FAM167A: variants seen among roughly 807,000 people sequenced by gnomAD.
FAM167A encodes family with sequence similarity 167 member A.
FAM167A carries 23 observed loss-of-function variants against 14.9 expected under a neutral mutation model. The ratio of observed to expected loss-of-function variants is 1.55; its 90% CI spans 1.11 to 2.19. The LOEUF (loss-of-function observed/expected upper bound fraction) is 2.19, where lower values mean the gene tolerates loss of function less well. Ranked by LOEUF, FAM167A falls within the 30% of genes most tolerant of loss-of-function variation. The probability of loss-of-function intolerance (pLI) is 0.00; values close to 1 mark genes in which losing one functional copy is unlikely to be tolerated. For missense variants in FAM167A, 401 were observed against 281.5 expected, an observed-to-expected ratio of 1.42 and a Z score of -3.04; for synonymous variants, 174 against 117.7, an observed-to-expected ratio of 1.48 and a Z score of -3.10.
At chr8:11,452,816 C>G (rs1807076481) in intron 1 of FAM167A, among the ~76,000 whole-genome samples, 1 of 152,296 alleles carries the variant, frequency 6.6e-6, no homozygotes, top group African/African-American at 2.4e-5. Context: ...GGCACGTTCC[C>G]CAGTGCCAGC....
At chr8:11,444,871 G>A (rs1249014071) in intron 1 of FAM167A, 63 bp from the exon 2 acceptor site, 17 of 983,064 alleles carry the variant, frequency 1.7e-5, no homozygotes, top group East Asian at 1.1e-4. Flanking sequence ...AGGCGGGCAC[G>A]TCCACTCCAC....
intron 1 of FAM167A, among the ~76,000 whole-genome samples, chr8:11,457,717 T>C (rs1807388912): frequency 6.6e-6 from 1 of 152,196 alleles, no homozygotes; most frequent in Non-Finnish European, 1.5e-5. Flanking sequence ...TCCTTGTCTT[T>C]GGCCCTCACT....
At chr8:11,442,493 A>G (rs1298060256) in intron 2 of FAM167A, among the ~76,000 whole-genome samples, 2 of 152,200 alleles carry the variant, frequency 1.3e-5, no homozygotes, top group African/African-American at 4.8e-5. Flanking sequence ...TAACTTCCTT[A>G]AAAAGAAAAA....
At chr8:11,470,001 C>T (rs1327726500), upstream of FAM167A, among the ~76,000 whole-genome samples, 2 of 152,180 alleles carry the variant, frequency 1.3e-5, no homozygotes, top group East Asian at 3.8e-4. Context: ...CGTATTAGTA[C>T]CACTAAATAC....
At chr8:11,435,915 T>C (rs1177439682) in intron 2 of FAM167A, among the ~76,000 whole-genome samples, 1 of 152,240 alleles carries the variant, frequency 6.6e-6, no homozygotes, top group Admixed American at 6.5e-5. Flanking sequence ...CCATATCCCG[T>C]CTTCATACAC....
At chr8:11,441,532 G>A (rs926882361) in intron 2 of FAM167A, among the ~76,000 whole-genome samples, 1 of 152,192 alleles carries the variant, frequency 6.6e-6, no homozygotes, top group Admixed American at 6.5e-5. Context: ...TCTGGAGCAT[G>A]CATCTCCTTG....
intron 1 of FAM167A, among the ~76,000 whole-genome samples, chr8:11,461,485 T>C (rs1459375587): frequency 1.3e-5 from 2 of 152,206 alleles, no homozygotes; most frequent in Non-Finnish European, 2.9e-5. Flanking sequence ...AGACACAGAG[T>C]GGCCTTTAAA....
chr8:11,422,397 TG>T lies in FAM167A; in HGVS notation c.*1975del, dbSNP rs1804816792. 1.3e-5 allele frequency: 2 copies of T among 151,576 alleles called. No individual in the cohort carries two copies. Among genetic ancestry groups the T allele is most frequent in the African/African-American group, 5.0e-5 (2 of 40,348 alleles). The allele number at this position is 151,576 out of a possible 1,614,324, so 9.4% of individuals were successfully genotyped here. A position where few individuals can be genotyped will look rare whatever the true frequency, so the allele number is the denominator to read the frequency against. On this transcript the variant is annotated 3_prime_UTR_variant, in exon 3 of 3. Coordinates refer to ENST00000284486, the MANE Select transcript of FAM167A (RefSeq NM_053279.3). ...GGGTGTGTGTGTGTGTGTGTGTGTG[TG>T]TGTGTGTAGGTCAGCCCGAGACCTC...
intron 1 of FAM167A, among the ~76,000 whole-genome samples, chr8:11,453,799 G>A (rs887938378): frequency 1.3e-5 from 2 of 152,038 alleles, no homozygotes; most frequent in African/African-American, 4.8e-5. Flanking sequence ...CCTTCACTGA[G>A]TTTATGGAGC....
chr8:11,449,502 C>T (rs1585266117), intron 1 of FAM167A, among the ~76,000 whole-genome samples: 2 of 152,176 alleles, frequency 1.3e-5, no homozygotes, highest in Non-Finnish European at 2.9e-5. Context: ...TCTAAACAAA[C>T]GGGCTTTCTT....
rs993894565 is a variant in FAM167A at position 11,440,874 on chromosome 8, G to A, written c.381+3157C>T. On this transcript the variant is annotated intron_variant, in intron 2 of 2. Coordinates refer to ENST00000284486, the MANE Select transcript of FAM167A (RefSeq NM_053279.3). ...GAGTTAAATAGGTTAATTTTTAAAGGTACCTTCAATGAGTTAAGAGGATGA... is the reference window on the plus strand; with the variant it reads ...GAGTTAAATAGGTTAATTTTTAAAGATACCTTCAATGAGTTAAGAGGATGA... Among the ~76,000 whole-genome samples the A allele has an allele frequency of 3.3e-5, 5 of 152,298 alleles. No individual in the cohort carries two copies. In the South Asian group the frequency reaches 1.0e-3, roughly 32 times the overall value.
chr8:11,455,892 A>T (rs11784685), intron 1 of FAM167A, among the ~76,000 whole-genome samples: 106,338 of 126,928 alleles, frequency 0.84, 43,858 homozygotes, highest in African/African-American at 0.87. Context: ...GTTGCCTTGC[A>T]GAGTGTGAGT....
chr8:11,450,934 C>G (rs1002076956), intron 1 of FAM167A, among the ~76,000 whole-genome samples: 7 of 152,236 alleles, frequency 4.6e-5, no homozygotes, highest in Non-Finnish European at 1.0e-4. Context: ...AGCTGCAGCT[C>G]ATCCCAAATC....
At chr8:11,431,408 G>T (rs533964775) in intron 2 of FAM167A, among the ~76,000 whole-genome samples, 72 of 152,354 alleles carry the variant, frequency 4.7e-4, no homozygotes, top group African/African-American at 1.4e-3. Flanking sequence ...GGGAGTTAGC[G>T]TTTAGTGAGC....
intron 1 of FAM167A, among the ~76,000 whole-genome samples, chr8:11,449,526 G>C (rs1806937526): frequency 6.6e-6 from 1 of 152,176 alleles, no homozygotes; most frequent in Non-Finnish European, 1.5e-5. Flanking sequence ...ATGTAACCTG[G>C]GTCGTTCCTA....
chr8:11,455,666 G>C (rs1430024602), intron 1 of FAM167A, among the ~76,000 whole-genome samples: 1 of 145,046 alleles, frequency 6.9e-6, no homozygotes, highest in Non-Finnish European at 1.5e-5. Context: ...TTGCCTTGCT[G>C]TGTGTGAATG....
At chr8:11,467,583 TG>T (rs1313738903), upstream of FAM167A, 5 of 152,380 alleles carry the variant, frequency 3.3e-5, no homozygotes, top group African/African-American at 1.2e-4. Context: ...GGCTCCAGTC[TG>T]CCATTCTCAC....
Position 11,422,403 on chromosome 8 carries a change from T to C in FAM167A, c.*1970A>G, listed in dbSNP as rs1179135158. On this transcript the variant is annotated 3_prime_UTR_variant, in exon 3 of 3. Transcript: ENST00000284486. ...GTGTGTGTGTGTGTGTGTGTGTGTG[T>C]GTAGGTCAGCCCGAGACCTCAAGGG... 1 of 142,052 alleles carries C rather than the reference T, an allele frequency of 7.0e-6. No homozygotes were observed. Among genetic ancestry groups the C allele is most frequent in the African/African-American group, 2.9e-5 (1 of 34,580 alleles). 8.8% of individuals were successfully genotyped at this position (142,052 alleles called of 1,614,324 possible).
intron 2 of FAM167A, among the ~76,000 whole-genome samples, chr8:11,433,704 C>T (rs1805780000): frequency 6.6e-6 from 1 of 152,146 alleles, no homozygotes; most frequent in Admixed American, 6.6e-5. Flanking sequence ...TAAAGTCAGG[C>T]TCTTATCTCT....
Sources: gnomAD v4.1 joint callset for allele counts (sites outside exome capture counted in the v4.1 genomes callset) on GRCh38, gnomAD v4.1.1 for gene constraint, MANE v1.5 for transcripts, NCBI Gene and HGNC (gene_info 2026-07-23, HGNC 2026-07-21) for gene names.